The following ZFHX3 variants were observed in gnomAD, a reference collection of about 807,000 sequenced individuals.
ZFHX3 encodes the protein zinc finger homeobox 3, also known as zinc finger homeobox protein 3.
In ZFHX3, 42 loss-of-function variants were observed where a neutral mutation model predicts 279.1. The ratio of observed to expected loss-of-function variants is 0.15; its 90% CI spans 0.12 to 0.19. The LOEUF is 0.19. Ranked by LOEUF, ZFHX3 falls within the 10% of genes least tolerant of loss-of-function variation. The pLI, the probability that ZFHX3 is intolerant of heterozygous loss-of-function variation, is 1.00. For missense variants in ZFHX3, 4,981 were observed against 4,754.0 expected, an observed-to-expected ratio of 1.05 and a Z score of -1.40; for synonymous variants, 2,293 against 1,957.8, an observed-to-expected ratio of 1.17 and a Z score of -4.52.
intron 2 of ZFHX3, chr16:73,558,326 G>A (rs2020317240): frequency 1.3e-5 from 2 of 152,294 alleles, no homozygotes; most frequent in East Asian, 1.9e-4. Flanking sequence ...CCCTATAAAT[G>A]AGGACAACTT....
chr16:73,172,237 G>A (rs1967546636), intron 5 of ZFHX3, among the ~76,000 whole-genome samples: 1 of 152,238 alleles, frequency 6.6e-6, no homozygotes, highest in African/African-American at 2.4e-5. Context: ...CGGGGTGCAG[G>A]GGCGAGGCCC....
At chr16:73,245,341 C>T (rs1004629916) in intron 5 of ZFHX3, among the ~76,000 whole-genome samples, 5 of 152,280 alleles carry the variant, frequency 3.3e-5, no homozygotes, top group Admixed American at 1.3e-4. Context: ...GTGATCATAG[C>T]TCACTGTAGC....
At chr16:73,364,118 A>G (rs994998986) in intron 3 of ZFHX3, among the ~76,000 whole-genome samples, 4 of 151,936 alleles carry the variant, frequency 2.6e-5, no homozygotes, top group African/African-American at 9.7e-5. Context: ...GGTTGCAGTG[A>G]GCCGAAATGG....
intron 2 of ZFHX3, among the ~76,000 whole-genome samples, chr16:73,669,460 A>G (rs970093637): frequency 6.6e-6 from 1 of 152,228 alleles, no homozygotes; most frequent in African/African-American, 2.4e-5. Context: ...ACACCACCAT[A>G]TATTCCTGGC....
At chr16:73,327,413 C>T (rs1050892602) in intron 3 of ZFHX3, among the ~76,000 whole-genome samples, 1 of 152,182 alleles carries the variant, frequency 6.6e-6, no homozygotes, top group Non-Finnish European at 1.5e-5. Flanking sequence ...AAACAACCCT[C>T]TTCTATTCCC....
chr16:73,073,710 G>A (rs1481436927), intron 8 of ZFHX3, among the ~76,000 whole-genome samples: 1 of 152,070 alleles, frequency 6.6e-6, no homozygotes, highest in Non-Finnish European at 1.5e-5. Flanking sequence ...TGTTGGCCAG[G>A]CTTGTCTCAA....
chr16:73,111,641 AGAAAGAGAGGAAGGAAGGAAGGAGAGAGC>A (rs1157583838), intron 7 of ZFHX3, among the ~76,000 whole-genome samples: 7 of 123,896 alleles, frequency 5.6e-5, no homozygotes, highest in East Asian at 2.5e-4. Context: ...AAGAAGAGAG[AGAAAGAGAGGAAGGAAGGAAGGAGAGAGC>A]GAAAGAGAGG....
At chr16:73,414,699 A>G (rs79739714) in intron 3 of ZFHX3, among the ~76,000 whole-genome samples, 2,529 of 152,268 alleles carry the variant, frequency 0.017, 65 homozygotes, top group African/African-American at 0.058. Context: ...TCCACCAGGC[A>G]TGGGGGCACG....
intron 2 of ZFHX3, among the ~76,000 whole-genome samples, chr16:73,605,820 T>G (rs2143871129): frequency 6.6e-6 from 1 of 152,156 alleles, no homozygotes; most frequent in Non-Finnish European, 1.5e-5. Context: ...ATATGGGTAC[T>G]TATCAAACCA....
At chr16:72,823,194 A>G (rs1343990636) in intron 5 of ZFHX3, among the ~76,000 whole-genome samples, 1 of 152,212 alleles carries the variant, frequency 6.6e-6, no homozygotes, top group Admixed American at 6.5e-5. Flanking sequence ...AATGGTTTCC[A>G]TTGGCAGGAC....
chr16:73,784,613 G>A, intron 1 of ZFHX3, among the ~76,000 whole-genome samples: 1 of 151,818 alleles, frequency 6.6e-6, no homozygotes, highest in African/African-American at 2.4e-5. Flanking sequence ...TGGGGGTGGT[G>A]GCACGTGCCT....
At position 73,009,635 on chromosome 16, in the gene ZFHX3, A is replaced by G. The variant is rs187991462; in HGVS notation, c.-50+38117T>C. 3.9e-5 allele frequency among the ~76,000 whole-genome samples: 6 copies of G among 152,262 alleles called. No individual in the cohort carries two copies. In the East Asian group the frequency reaches 9.7e-4, roughly 25 times the overall value. ...AGGCATTCAGAATGTCTCAAATACA[A>G]TATCATGGGCTAATTGCTGGCTACC... On this transcript the variant is annotated intron_variant, in intron 1 of 9. Transcript: ENST00000268489.
At chr16:73,672,196 C>A (rs981734398) in intron 2 of ZFHX3, among the ~76,000 whole-genome samples, 7 of 152,034 alleles carry the variant, frequency 4.6e-5, no homozygotes, top group African/African-American at 1.7e-4. Flanking sequence ...ACTCTGACAC[C>A]CCTAGGAAGC....
In ZFHX3 at chr16:72,798,683, C is replaced by A; in HGVS notation, c.3999G>T (p.Leu1333Phe). 5.1e-6 allele frequency: 8 copies of A among 1,562,588 alleles called. No homozygotes were observed. The highest frequency in any genetic ancestry group is 4.6e-5 in the East Asian group (2 of 43,924). The change falls in exon 9 of 10, where the codon TTG (leucine) becomes TTT (phenylalanine). Residue 1333 changes from leucine (L) to phenylalanine (F), a missense_variant. By Grantham distance (22) the Leu-to-Phe change is conservative (BLOSUM62 0). Around this residue, in one of 7 missense-constraint regions of ZFHX3, gnomAD observed 1,751 missense variants for 1,770.0 expected, o/e 0.99. Coordinates refer to ENST00000268489, the MANE Select transcript of ZFHX3 (RefSeq NM_006885.4). ...CGCTTTGCTCTGTGCTTGCGGATGG[C>A]AAGATGTTCTTTCCCAGATCCTCTG... is the stretch of plus-strand genomic sequence containing the variant. ...ETSEDLGKNI[L>F]PSASTEQSGD...
intron 3 of ZFHX3, among the ~76,000 whole-genome samples, chr16:73,334,176 C>T (rs1054907405): frequency 1.3e-5 from 2 of 152,138 alleles, no homozygotes; most frequent in Non-Finnish European, 2.9e-5. Context: ...AGGAGGACAG[C>T]GTTCTAGGAA....
At position 72,959,037 on chromosome 16, in the gene ZFHX3, C is replaced by T. The variant is rs774852976; in HGVS notation, c.1109G>A (p.Gly370Asp). The T allele has an allele frequency of 5.6e-6, 9 of 1,613,696 alleles. No individual in the cohort carries two copies. The highest frequency in any genetic ancestry group is 7.6e-6 in the Non-Finnish European group (9 of 1,179,858). The change falls in exon 2 of 10, where the codon GGC becomes GAC. Residue 370 changes from glycine (G) to aspartate (D), a missense_variant. By Grantham distance (94) the Gly-to-Asp change is moderately conservative. Coordinates refer to ENST00000268489, the MANE Select transcript of ZFHX3 (RefSeq NM_006885.4). ...PGHSFYGKFS[G>D]IRMEGEEALP... is the part of the protein sequence containing the mutation. ...AGCTTCCTCCCCTTCCATTCGAATG[C>T]CACTAAATTTACCATAAAAACTGTG...
intron 2 of ZFHX3, among the ~76,000 whole-genome samples, chr16:73,507,485 CTTTTTTTTTTTTTT>C (rs752001880): frequency 2.5e-5 from 2 of 79,762 alleles, no homozygotes; most frequent in Non-Finnish European, 4.3e-5. Flanking sequence ...AGCTCTGCCA[CTTTTTTTTTTTTTT>C]TTTTTTTTTT....
At chr16:72,970,434 C>A (rs1962054054) in intron 1 of ZFHX3, among the ~76,000 whole-genome samples, 1 of 152,128 alleles carries the variant, frequency 6.6e-6, no homozygotes, top group African/African-American at 2.4e-5. Context: ...GCCTTTCCAC[C>A]ATTTCCACAA....
At position 73,685,140 on chromosome 16, in the gene ZFHX3, G is replaced by A. The variant is rs147532645; in HGVS notation, c.-1607-4900C>T. Among the ~76,000 whole-genome samples the A allele has an allele frequency of 1.5e-3, 227 of 151,620 alleles. 2 individuals carry two copies. Among genetic ancestry groups the A allele is most frequent in the Middle Eastern group, 6.8e-3 (2 of 294 alleles). On this transcript the variant is annotated intron_variant, in intron 1 of 17. Coordinates refer to the ZFHX3 transcript ENST00000641206. ...AGTGATTCCCTTGCCTCAGCCTCCC[G>A]AGTAGCTGGGACTACAGTTGCATGC...
Sources: gnomAD v4.1 joint callset for allele counts (sites outside exome capture counted in the v4.1 genomes callset) on GRCh38, gnomAD v4.1.1 for gene constraint, gnomAD v4.1.1 regional missense constraint, MANE v1.5 for transcripts, NCBI Gene and HGNC (gene_info 2026-07-23, HGNC 2026-07-21) for gene names.